Variants in AAR2 observed in about 807,000 individuals in gnomAD.
AAR2 encodes the protein AAR2 splicing factor, also known as protein AAR2 homolog.
A neutral mutation model predicts 26.9 loss-of-function variants in AAR2; 31 were observed. The ratio of observed to expected loss-of-function variants is 1.15; its 90% CI spans 0.86 to 1.55. The LOEUF is 1.55. Ranked by LOEUF, AAR2 falls within the 40% of genes most tolerant of loss-of-function variation. AAR2 has a pLI of 0.00. For synonymous variants in AAR2, 188 were observed against 196.1 expected, an observed-to-expected ratio of 0.96 and a Z score of 0.34; for missense variants, 430 against 491.3, an observed-to-expected ratio of 0.88 and a Z score of 1.18.
chr20:36,252,830 CTG>C lies in AAR2; in HGVS notation c.988-2746_988-2745del, dbSNP rs139156392. 2.6e-5 allele frequency among the ~76,000 whole-genome samples: 4 copies of C among 152,278 alleles called. No homozygotes were observed. In the East Asian group the frequency reaches 7.7e-4, roughly 29 times the overall value. The stretch of plus-strand genomic sequence containing the variant: ...GTGTGCAGGGCCTCCAGAGCTAAAA[CTG>C]TTTGAGAGAAGGCTTCTGTGCTGTC... On this transcript the variant is annotated intron_variant, in intron 3 of 3. Coordinates refer to ENST00000320849, the MANE Select transcript of AAR2 (RefSeq NM_001271874.2).
chr20:36,255,438 T>C, intron 3 of AAR2, 140 bp from the exon 4 acceptor site: 3 of 935,690 alleles, frequency 3.2e-6, no homozygotes, highest in Non-Finnish European at 4.9e-6. Context: ...GGGGGGAGCA[T>C]AGCAGGTGTC....
At chr20:36,245,184 C>G (rs1601179948) in intron 3 of AAR2, among the ~76,000 whole-genome samples, 1 of 152,258 alleles carries the variant, frequency 6.6e-6, no homozygotes, top group East Asian at 1.9e-4. Context: ...TGAATTCCTC[C>G]CACTGCTTTG....
At chr20:36,236,690 G>C (rs1311348033) in intron 1 of AAR2, 187 bp downstream of exon 1, 1 of 152,258 alleles carries the variant, frequency 6.6e-6, no homozygotes, top group East Asian at 1.9e-4. Context: ...CGTCGCCAGA[G>C]TTACGTCGCG....
rs761088980 is a variant in AAR2, at chr20:36,240,523, G to A, written c.655G>A (p.Gly219Ser). 1.5e-5 allele frequency: 24 copies of A among 1,614,026 alleles called. No individual in the cohort carries two copies. Among genetic ancestry groups the A allele is most frequent in the South Asian group, 2.2e-5 (2 of 91,070 alleles). ...SELPTQMFPE[G>S]ATPAEITKHS... Reference sequence around the variant, plus strand: ...GCTGCCCACGCAGATGTTCCCAGAGGGTGCCACGCCAGCTGAGATAACCAA... The same window carrying A: ...GCTGCCCACGCAGATGTTCCCAGAGAGTGCCACGCCAGCTGAGATAACCAA... Residue 219 changes from glycine to serine, a missense_variant, in exon 2 of 4, where the codon GGT becomes AGT. Transcript: ENST00000320849.
intron 3 of AAR2, among the ~76,000 whole-genome samples, chr20:36,253,121 G>T (rs568399537): frequency 2.2e-4 from 33 of 148,832 alleles, no homozygotes; most frequent in Non-Finnish European, 4.1e-4. Flanking sequence ...TACTCCAACG[G>T]AATGGCTCCA....
chr20:36,255,705 C>T lies in AAR2; in HGVS notation c.1115C>T (p.Pro372Leu), dbSNP rs760715549. 40 of 1,614,026 alleles carry T rather than the reference C, an allele frequency of 2.5e-5. No homozygotes were observed. The highest frequency in any genetic ancestry group is 1.6e-4 in the Middle Eastern group (1 of 6,084). The change falls in exon 4 of 4, where the codon CCG becomes CTG. Residue 372 changes from proline to leucine, a missense_variant. Physicochemically the swap from Pro to Leu is moderately conservative, Grantham distance 98. Coordinates refer to ENST00000320849, the MANE Select transcript of AAR2 (RefSeq NM_001271874.2). ...GCTGCGGAACCTGAGGACTGTGCCC[C>T]GGTGGTGGTGGAGCTCCCTGAGGGC... is the stretch of plus-strand genomic sequence containing the variant. Reference protein sequence around the residue: ...DFAAEPEDCAPVVVELPEGIE... With the variant: ...DFAAEPEDCALVVVELPEGIE...
At chr20:36,249,722 T>C (rs1211666049) in intron 3 of AAR2, among the ~76,000 whole-genome samples, 1 of 152,208 alleles carries the variant, frequency 6.6e-6, no homozygotes, top group Non-Finnish European at 1.5e-5. Flanking sequence ...TCCCATTATA[T>C]AGATGAGGAA....
At chr20:36,250,411 G>T (rs1313908335) in intron 3 of AAR2, among the ~76,000 whole-genome samples, 1 of 152,166 alleles carries the variant, frequency 6.6e-6, no homozygotes, top group Non-Finnish European at 1.5e-5. Context: ...GTGTTGACTT[G>T]ATTTTGTTTT....
At chr20:36,238,804 CTG>C (rs1220655200) in intron 1 of AAR2, among the ~76,000 whole-genome samples, 1 of 149,410 alleles carries the variant, frequency 6.7e-6, no homozygotes, top group Admixed American at 6.7e-5. Context: ...GCTCGTTTTT[CTG>C]TGTGTGAAAT....
chr20:36,251,767 G>A lies in AAR2; in HGVS notation c.988-3811G>A, dbSNP rs535831429. Among the ~76,000 whole-genome samples, 3 of 152,212 alleles carry A rather than the reference G, an allele frequency of 2.0e-5. No homozygotes were observed. The South Asian group carries it at 6.2e-4, about 32-fold the overall frequency. ...CGAAGCACTTTTTAAATTAGAAAAC[G>A]TATTTGTTAGACTGAAGGTGTCTGT... On this transcript the variant is annotated intron_variant, in intron 3 of 3. Coordinates refer to ENST00000320849, the MANE Select transcript of AAR2 (RefSeq NM_001271874.2).
intron 1 of AAR2, among the ~76,000 whole-genome samples, chr20:36,238,883 G>T (rs949881954): frequency 3.3e-5 from 5 of 151,742 alleles, no homozygotes; most frequent in Non-Finnish European, 5.9e-5. Flanking sequence ...GATGTTTTTT[G>T]GGGGCCTGGC....
chr20:36,236,652 G>A (rs2064609371), intron 1 of AAR2, 149 bp downstream of exon 1: 2 of 152,356 alleles, frequency 1.3e-5, no homozygotes, highest in South Asian at 4.1e-4. Context: ...TGGGACGCTG[G>A]TGTCTCTGGA....
In AAR2 at chr20:36,249,530, T is replaced by C. The variant is rs968060950; in HGVS notation, c.987+4604T>C. ...CTTTGTTGCTAGTATTCTAAATGTG[T>C]GTTCATCTTTAACTCTTGAGGGAAA... On this transcript the variant is annotated intron_variant, in intron 3 of 3. Transcript: ENST00000320849. Among the ~76,000 whole-genome samples the C allele has an allele frequency of 3.9e-5, 6 of 152,244 alleles. 1 individual carries two copies. Among genetic ancestry groups the C allele is most frequent in the Admixed American group, 3.9e-4 (6 of 15,284 alleles).
rs1057307448 is a variant in AAR2 at position 36,244,711 on chromosome 20, G to A, written c.772G>A (p.Ala258Thr). ...PQDVLGELQF[A>T]FVCFLLGNVY... ...GCACCTTTCAGGTGAACTCCAGTTT[G>A]CTTTTGTGTGCTTCCTGCTGGGGAA... Residue 258 changes from alanine (A) to threonine (T), a missense_variant, in exon 3 of 4, where the codon GCT becomes ACT. Physicochemically the swap from Ala to Thr is moderately conservative, Grantham distance 58. Transcript: ENST00000320849. The A allele has an allele frequency of 1.2e-6, 2 of 1,614,148 alleles. No individual in the cohort carries two copies. Among genetic ancestry groups the A allele is most frequent in the Non-Finnish European group, 8.5e-7 (1 of 1,180,030 alleles).
In AAR2 at chr20:36,255,832, C is replaced by G; in HGVS notation, c.*87C>G. 4 of 1,486,660 alleles carry G rather than the reference C, an allele frequency of 2.7e-6. No individual in the cohort carries two copies. Among genetic ancestry groups the G allele is most frequent in the Admixed American group, 2.1e-5 (1 of 48,200 alleles). 92.1% of individuals were successfully genotyped at this position (1,486,660 alleles called of 1,614,324 possible). A position where few individuals can be genotyped will look rare whatever the true frequency, so the allele number is the denominator to read the frequency against. ...CATTTACTTCTTCCCATCCTGGGACCTGCCAGGGCAGCAATCTCTCCAGGT... is the reference window on the plus strand; with the variant it reads ...CATTTACTTCTTCCCATCCTGGGACGTGCCAGGGCAGCAATCTCTCCAGGT... On this transcript the variant is annotated 3_prime_UTR_variant, in exon 4 of 4. Transcript: ENST00000320849.
At chr20:36,240,651 A>G in intron 2 of AAR2, 26 bp downstream of exon 2, 1 of 1,598,942 alleles carries the variant, frequency 6.3e-7, no homozygotes, top group South Asian at 1.1e-5. Flanking sequence ...GCTCTTTGGG[A>G]GTGGGCCAAG....
Position 36,240,494 on chromosome 20 carries a change from CAGA to C in AAR2, c.627_629del (p.Glu210del). 1 of 1,614,122 alleles carries C rather than the reference CAGA, an allele frequency of 6.2e-7. No individual in the cohort carries two copies. The highest frequency in any genetic ancestry group is 8.5e-7 in the Non-Finnish European group (1 of 1,180,042). ...AGAGCCGGGACAGAGATCCGCTTCT[CAGA>C]GCTGCCCACGCAGATGTTCCCAGAG... On this transcript the variant is annotated inframe_deletion, in exon 2 of 4. Transcript: ENST00000320849.
chr20:36,250,916 A>G (rs1282234275), intron 3 of AAR2, among the ~76,000 whole-genome samples: 1 of 152,054 alleles, frequency 6.6e-6, no homozygotes. Flanking sequence ...AAAAAAAAAT[A>G]CCAGGCGTGG....
At position 36,256,006 on chromosome 20, in the gene AAR2, TAC is replaced by T; in HGVS notation, c.*270_*271del. On this transcript the variant is annotated 3_prime_UTR_variant, in exon 4 of 4. Transcript: ENST00000320849. ...CCTGGCTGAATTTCACACAGGCTCT[TAC>T]ACACACACGCTCCTAGGAGACATCT... The T allele has an allele frequency of 2.3e-5, 11 of 483,822 alleles. No individual in the cohort carries two copies. Among genetic ancestry groups the T allele is most frequent in the East Asian group, 3.4e-5 (1 of 29,012 alleles). 30.0% of individuals were successfully genotyped at this position (483,822 alleles called of 1,614,324 possible). A position where few individuals can be genotyped will look rare whatever the true frequency, so the allele number is the denominator to read the frequency against.
Sources: gnomAD v4.1 joint callset for allele counts (sites outside exome capture counted in the v4.1 genomes callset) on GRCh38, gnomAD v4.1.1 for gene constraint, MANE v1.5 for transcripts, NCBI Gene and HGNC (gene_info 2026-07-23, HGNC 2026-07-21) for gene names.